The following DRC9 variants were observed in gnomAD, a reference collection of about 807,000 sequenced individuals.
DRC9 encodes the protein dynein regulatory complex subunit 9, also known as dynein regulatory complex protein 9.
At chr3:197,933,041 C>CATATATAAAATACATATATTATACAT in the DRC9 span, among the ~76,000 whole-genome samples, 1 of 132,670 alleles carries the variant, frequency 7.5e-6, no homozygotes, top group African/African-American at 2.9e-5. Flanking sequence ...ATATATTATA[C>CATATATAAAATACATATATTATACAT]ATATATATAA....
At chr3:197,907,679 C>T in the DRC9 span, among the ~76,000 whole-genome samples, 1 of 152,252 alleles carries the variant, frequency 6.6e-6, no homozygotes, top group Admixed American at 6.5e-5. Flanking sequence ...GATCCAGTGA[C>T]AACAGGGGTG....
the DRC9 span, among the ~76,000 whole-genome samples, chr3:197,955,263 TTTTC>T: frequency 6.6e-6 from 1 of 151,698 alleles, no homozygotes; most frequent in African/African-American, 2.4e-5. Context: ...CAGTACATGT[TTTTC>T]TTTTTCTTTT....
the DRC9 span, among the ~76,000 whole-genome samples, chr3:197,898,377 G>A: frequency 6.6e-6 from 1 of 152,024 alleles, no homozygotes; most frequent in East Asian, 1.9e-4. Flanking sequence ...GCATTTACTA[G>A]AAAATAAAAA....
At chr3:197,933,030 T>C in the DRC9 span, among the ~76,000 whole-genome samples, 3 of 140,578 alleles carry the variant, frequency 2.1e-5, no homozygotes, top group Non-Finnish European at 4.5e-5. Context: ...TATAAAATAT[T>C]ATATATTATA....
At chr3:197,954,296 T>C in the DRC9 span, 6 of 788,294 alleles carry the variant, frequency 7.6e-6, no homozygotes, top group African/African-American at 8.7e-5. Context: ...ACTGGAGAGA[T>C]AGTAATTGAA....
the DRC9 span, among the ~76,000 whole-genome samples, chr3:197,910,347 A>G: frequency 7.9e-5 from 12 of 152,160 alleles, no homozygotes; most frequent in Non-Finnish European, 4.4e-5. Context: ...TGCTTGTGTT[A>G]TTGGGCTGAA....
At chr3:197,947,148 C>T in the DRC9 span, among the ~76,000 whole-genome samples, 1 of 152,202 alleles carries the variant, frequency 6.6e-6, no homozygotes, top group African/African-American at 2.4e-5. Flanking sequence ...CTAAGCTGGA[C>T]CTAGTTGTTG....
the DRC9 span, among the ~76,000 whole-genome samples, chr3:197,898,749 G>A: frequency 6.6e-6 from 1 of 152,138 alleles, no homozygotes; most frequent in African/African-American, 2.4e-5. Flanking sequence ...AACAGCATGA[G>A]GGAAACCAAC....
chr3:197,959,970 C>T, the DRC9 span: 9 of 541,072 alleles, frequency 1.7e-5, no homozygotes. Flanking sequence ...CTCAAGACAC[C>T]CACATACGGC....
chr3:197,955,647 A>ATG, the DRC9 span: 1 of 1,028,716 alleles, frequency 9.7e-7, no homozygotes, highest in Non-Finnish European at 1.5e-6. Context: ...CCACTAGAAC[A>ATG]TGTAATTGGT....
the DRC9 span, chr3:197,913,602 G>T: frequency 1.8e-6 from 1 of 568,800 alleles, no homozygotes; most frequent in Non-Finnish European, 3.1e-6. Flanking sequence ...GAAAAATGGT[G>T]ATTGGTTTGC....
the DRC9 span, among the ~76,000 whole-genome samples, chr3:197,925,593 T>G: frequency 1.4e-4 from 21 of 150,690 alleles, no homozygotes; most frequent in Admixed American, 2.6e-4. Context: ...TTCTGTTTTT[T>G]TTTTTTTTTT....
At chr3:197,959,497 C>T in the DRC9 span, 1 of 152,216 alleles carries the variant, frequency 6.6e-6, no homozygotes, top group Non-Finnish European at 1.5e-5. Flanking sequence ...TCCTTCTTTC[C>T]TACTCCTTCA....
chr3:197,929,313 G>T, the DRC9 span, among the ~76,000 whole-genome samples: 1 of 152,180 alleles, frequency 6.6e-6, no homozygotes, highest in Admixed American at 6.5e-5. The surrounding 1 kb of genome is among the most constrained non-coding windows in gnomAD (Gnocchi z 4.6). Context: ...CGAGAATGCT[G>T]ACTACACCAA....
the DRC9 span, chr3:197,951,094 G>C: frequency 3.7e-6 from 6 of 1,608,138 alleles, no homozygotes; most frequent in Non-Finnish European, 5.1e-6. Flanking sequence ...TTGGGTGGGG[G>C]TGATTACAAG....
At chr3:197,950,831 A>G in the DRC9 span, 1 of 984,048 alleles carries the variant, frequency 1.0e-6, no homozygotes, top group Non-Finnish European at 1.6e-6. Context: ...CTCCTACATG[A>G]AACTCCCATC....
the DRC9 span, chr3:197,954,324 T>G: frequency 1.4e-6 from 1 of 719,692 alleles, no homozygotes; most frequent in South Asian, 1.8e-5. Context: ...GGTGTTTGGT[T>G]GTTTGTTTTT....
the DRC9 span, among the ~76,000 whole-genome samples, chr3:197,925,604 T>C: frequency 2.4e-5 from 3 of 122,530 alleles, no homozygotes; most frequent in Admixed American, 8.1e-5. Context: ...TTTTTTTTTT[T>C]CTGAGACGGA....
the DRC9 span, among the ~76,000 whole-genome samples, chr3:197,893,675 C>T: frequency 1.4e-5 from 2 of 144,304 alleles, no homozygotes; most frequent in Admixed American, 1.4e-4. Context: ...AACCCTGCCT[C>T]TACTAAAACT....
Sources: gnomAD v4.1 joint callset for allele counts (sites outside exome capture counted in the v4.1 genomes callset) on GRCh38, gnomAD v4.1.1 for gene constraint, Gnocchi (gnomAD v3.1) non-coding constraint, MANE v1.5 for transcripts, NCBI Gene and HGNC (gene_info 2026-07-23, HGNC 2026-07-21) for gene names.